Variants in INPP4B observed in about 807,000 individuals in gnomAD.
INPP4B encodes inositol polyphosphate 4-phosphatase type II.
Under a neutral mutation model 122.5 loss-of-function variants are expected in INPP4B, and 55 were observed. The observed-to-expected ratio is 0.45, with a 90% CI of 0.36 to 0.56. The LOEUF (loss-of-function observed/expected upper bound fraction) is 0.56, where lower values mean the gene tolerates loss of function less well. Among genes scored for constraint, INPP4B ranks in the 20% least tolerant of loss-of-function variants. The probability of loss-of-function intolerance (pLI) is 0.00; values close to 1 mark genes in which losing one functional copy is unlikely to be tolerated. For synonymous variants in INPP4B, 403 were observed against 388.7 expected, an observed-to-expected ratio of 1.04 and a Z score of -0.43; for missense variants, 1,000 against 1,097.7, an observed-to-expected ratio of 0.91 and a Z score of 1.26.
At chr4:142,164,184 C>A (rs1821537831) in intron 16 of INPP4B, among the ~76,000 whole-genome samples, 1 of 151,798 alleles carries the variant, frequency 6.6e-6, no homozygotes, top group Admixed American at 6.6e-5. Context: ...ATTACTTCTC[C>A]TGGGGATGAA....
chr4:142,797,869 G>A (rs1777477642), intron 1 of INPP4B, among the ~76,000 whole-genome samples: 1 of 151,906 alleles, frequency 6.6e-6, no homozygotes, highest in African/African-American at 2.4e-5. Context: ...ATACTCCTCT[G>A]AGGAAGTCAC....
intron 2 of INPP4B, among the ~76,000 whole-genome samples, chr4:142,616,816 C>T (rs963563309): frequency 1.4e-4 from 22 of 152,008 alleles, no homozygotes; most frequent in Admixed American, 1.3e-4. Context: ...AGCCATTATC[C>T]TAAGTGAAAT....
intron 2 of INPP4B, among the ~76,000 whole-genome samples, chr4:142,707,540 G>C (rs138036270): frequency 2.5e-4 from 38 of 152,218 alleles, no homozygotes; most frequent in Admixed American, 4.6e-4. Context: ...CATGAGATCT[G>C]CTTGTTTAAA....
chr4:142,651,802 A>C (rs1313554006), intron 2 of INPP4B, among the ~76,000 whole-genome samples: 1 of 152,234 alleles, frequency 6.6e-6, no homozygotes, highest in African/African-American at 2.4e-5. Context: ...TACATAGAGG[A>C]GCTGGTACCA....
intron 1 of INPP4B, among the ~76,000 whole-genome samples, chr4:142,812,938 G>C (rs886991707): frequency 6.6e-6 from 1 of 152,240 alleles, no homozygotes; most frequent in East Asian, 1.9e-4. Flanking sequence ...AAAAATAAAA[G>C]GCTTTGCTAT....
intron 2 of INPP4B, among the ~76,000 whole-genome samples, chr4:142,591,255 A>G (rs1041098638): frequency 7.2e-5 from 11 of 152,222 alleles, no homozygotes; most frequent in African/African-American, 2.2e-4. Context: ...ACCGCACTCC[A>G]GCCTGAGCAA....
At chr4:142,336,616 G>A (rs1458552144) in intron 7 of INPP4B, among the ~76,000 whole-genome samples, 1 of 152,258 alleles carries the variant, frequency 6.6e-6, no homozygotes, top group Non-Finnish European at 1.5e-5. Context: ...CGCAGTTGCT[G>A]GAATCTCTTG....
At chr4:142,696,235 G>A (rs1236163786) in intron 2 of INPP4B, among the ~76,000 whole-genome samples, 1 of 152,056 alleles carries the variant, frequency 6.6e-6, no homozygotes, top group Admixed American at 6.6e-5. Context: ...CCATGTGTCT[G>A]ATAAGACAGA....
intron 2 of INPP4B, among the ~76,000 whole-genome samples, chr4:142,575,034 A>G (rs1733555101): frequency 6.6e-6 from 1 of 152,120 alleles, no homozygotes; most frequent in East Asian, 1.9e-4. Flanking sequence ...CGAGCTATCC[A>G]ACAAGAGCAC....
chr4:142,407,549 C>G (rs543766168), intron 5 of INPP4B, among the ~76,000 whole-genome samples: 1 of 152,242 alleles, frequency 6.6e-6, no homozygotes, highest in East Asian at 1.9e-4. Flanking sequence ...TTCCCTAATA[C>G]TGATAAAAAT....
chr4:142,361,451 A>G (rs1364023513), intron 7 of INPP4B, among the ~76,000 whole-genome samples: 1 of 151,930 alleles, frequency 6.6e-6, no homozygotes, highest in African/African-American at 2.4e-5. Flanking sequence ...GTAATAATCC[A>G]AATTTTGTTA....
intron 2 of INPP4B, among the ~76,000 whole-genome samples, chr4:142,497,216 C>G (rs1822702813): frequency 6.6e-6 from 1 of 152,142 alleles, no homozygotes; most frequent in Non-Finnish European, 1.5e-5. Flanking sequence ...CATCCCATTA[C>G]TCTGGTTGTA....
At chr4:142,091,739 C>T (rs1331731840) in intron 23 of INPP4B, among the ~76,000 whole-genome samples, 2 of 152,206 alleles carry the variant, frequency 1.3e-5, no homozygotes, top group African/African-American at 2.4e-5. Flanking sequence ...AGAGCTCTGA[C>T]TTTGACGACC....
rs150577462 is a variant in INPP4B at position 142,225,927 on chromosome 4, C to T, written c.836+11937G>A. ...TTTTGTGGCTACCACAGTCTCTCAT[C>T]TGAACATATAAAGGTGCACATGATA... On this transcript the variant is annotated intron_variant, in intron 12 of 25. Transcript: ENST00000262992. Among the ~76,000 whole-genome samples, 598 of 152,248 alleles carry T rather than the reference C, an allele frequency of 3.9e-3. 5 individuals are homozygous for T. Among genetic ancestry groups the T allele is most frequent in the African/African-American group, 0.014 (561 of 41,552 alleles).
chr4:142,540,793 C>G (rs1828852542), intron 2 of INPP4B, among the ~76,000 whole-genome samples: 1 of 152,122 alleles, frequency 6.6e-6, no homozygotes, highest in South Asian at 2.1e-4. Context: ...TGCACACACA[C>G]ATAAACACAC....
intron 10 of INPP4B, 33 bp downstream of exon 10, chr4:142,270,630 T>C: frequency 1.4e-6 from 2 of 1,380,674 alleles, no homozygotes; most frequent in Non-Finnish European, 2.1e-6. Context: ...CATTTTTAAT[T>C]TAATTTGTAC....
chr4:142,112,700 C>A lies in INPP4B; in HGVS notation c.2136-18G>T, dbSNP rs757008367. The A allele has an allele frequency of 3.1e-6, 5 of 1,592,674 alleles. No homozygotes were observed. Among genetic ancestry groups the A allele is most frequent in the Admixed American group, 1.9e-5 (1 of 53,222 alleles). The stretch of plus-strand genomic sequence containing the variant: ...AATGTTCTCTAAAGAAGGCAGAGGA[C>A]AAAGGGAAGAAACATTACTTATTTG... On this transcript the variant is annotated intron_variant, in intron 21 of 25. Coordinates refer to ENST00000262992, the MANE Select transcript of INPP4B (RefSeq NM_001101669.3).
intron 16 of INPP4B, among the ~76,000 whole-genome samples, chr4:142,173,020 C>G (rs1165612801): frequency 6.6e-6 from 1 of 151,894 alleles, no homozygotes; most frequent in Non-Finnish European, 1.5e-5. Context: ...TATTGAGTGT[C>G]TACCCCATGC....
chr4:142,662,069 TA>T (rs1016752181), intron 2 of INPP4B, among the ~76,000 whole-genome samples: 1 of 151,994 alleles, frequency 6.6e-6, no homozygotes, highest in African/African-American at 2.4e-5. Context: ...CTGTCTCTAC[TA>T]AAAGTACAAA....
Sources: allele counts gnomAD v4.1 joint callset (sites outside exome capture counted in the v4.1 genomes callset), GRCh38; gene constraint gnomAD v4.1.1; transcripts MANE v1.5; gene names NCBI Gene and HGNC (gene_info 2026-07-23, HGNC 2026-07-21).